Variants in SIPA1L1 observed in about 807,000 individuals in gnomAD.
The protein encoded by SIPA1L1 is signal-induced proliferation-associated 1-like protein 1.
A neutral mutation model predicts 162.7 loss-of-function variants in SIPA1L1; 26 were observed. The observed-to-expected ratio is 0.16, with a 90% confidence interval of 0.12 to 0.22. The LOEUF (loss-of-function observed/expected upper bound fraction) is 0.22. SIPA1L1 is among the 10% of genes least tolerant of loss of function. The pLI is 1.00. For synonymous variants in SIPA1L1, 829 were observed against 837.4 expected, an observed-to-expected ratio of 0.99 and a Z score of 0.17; for missense variants, 1,874 against 2,241.0, an observed-to-expected ratio of 0.84 and a Z score of 3.31.
chr14:71,611,303 T>C (rs145779297), intron 5 of SIPA1L1, among the ~76,000 whole-genome samples: 455 of 152,340 alleles, frequency 3.0e-3, no homozygotes, highest in Admixed American at 5.2e-3. Flanking sequence ...TTCTTAGTCA[T>C]TAGTCAGATT....
chr14:71,472,091 C>T (rs1489046657), intron 2 of SIPA1L1, among the ~76,000 whole-genome samples: 1 of 152,052 alleles, frequency 6.6e-6, no homozygotes. Context: ...CTTCAGGGAC[C>T]ACCTCCTCCT....
chr14:71,636,858 C>G (rs1596551581), intron 7 of SIPA1L1, among the ~76,000 whole-genome samples: 1 of 151,986 alleles, frequency 6.6e-6, no homozygotes. Context: ...TGAGACCAGC[C>G]TGGCCAACAT....
At chr14:71,451,192 A>C (rs1288952434) in intron 2 of SIPA1L1, among the ~76,000 whole-genome samples, 1 of 152,162 alleles carries the variant, frequency 6.6e-6, no homozygotes. Context: ...AAAATAAAAA[A>C]GTTGAACTCA....
intron 4 of SIPA1L1, among the ~76,000 whole-genome samples, chr14:71,547,447 C>G (rs1468891297): frequency 1.3e-5 from 2 of 151,786 alleles, no homozygotes; most frequent in African/African-American, 4.8e-5. Context: ...GTGTGCACCA[C>G]TACACCCGGC....
intron 18 of SIPA1L1, among the ~76,000 whole-genome samples, 186 bp downstream of exon 18, chr14:71,724,072 C>T (rs1721125509): frequency 6.6e-6 from 1 of 152,106 alleles, no homozygotes; most frequent in Non-Finnish European, 1.5e-5. Flanking sequence ...TGCCTCATTC[C>T]TTAAATAAGA....
At chr14:71,423,598 T>C (rs1371679649) in intron 2 of SIPA1L1, among the ~76,000 whole-genome samples, 6 of 152,174 alleles carry the variant, frequency 3.9e-5, no homozygotes. Flanking sequence ...GTCTTGGCGC[T>C]CTTGTCAAAA....
At chr14:71,493,070 C>G (rs2049420163) in intron 2 of SIPA1L1, among the ~76,000 whole-genome samples, 1 of 152,018 alleles carries the variant, frequency 6.6e-6, no homozygotes, top group South Asian at 2.1e-4. Flanking sequence ...GCCCCTTTAT[C>G]CCTCCCCCAA....
At chr14:71,736,211 C>T (rs562609932) in intron 22 of SIPA1L1, among the ~76,000 whole-genome samples, 44 of 152,296 alleles carry the variant, frequency 2.9e-4, no homozygotes, top group Non-Finnish European at 5.7e-4. Flanking sequence ...GCCTGGGCAA[C>T]ATGCTGAAAC....
chr14:71,473,156 A>G (rs999081944), intron 2 of SIPA1L1, among the ~76,000 whole-genome samples: 3 of 152,178 alleles, frequency 2.0e-5, no homozygotes, highest in Admixed American at 6.5e-5. Flanking sequence ...AAGAGAGACC[A>G]TGAATGAAAA....
chr14:71,670,129 T>C (rs965715871), intron 10 of SIPA1L1, among the ~76,000 whole-genome samples: 13 of 152,206 alleles, frequency 8.5e-5, no homozygotes, highest in Admixed American at 1.3e-4. Context: ...CTTCGATGTG[T>C]TAGAATCATT....
chr14:71,344,547 ATCTG>A (rs369305460), intron 2 of SIPA1L1, among the ~76,000 whole-genome samples: 33 of 151,850 alleles, frequency 2.2e-4, no homozygotes, highest in African/African-American at 4.6e-4. Context: ...AAATTTCTCT[ATCTG>A]TCTGTCTGTC....
At chr14:71,354,974 G>A (rs895491460) in intron 2 of SIPA1L1, among the ~76,000 whole-genome samples, 10 of 152,166 alleles carry the variant, frequency 6.6e-5, no homozygotes, top group Admixed American at 2.6e-4. Flanking sequence ...TAACATTAGT[G>A]AGACTTGTCT....
chr14:71,470,934 T>C (rs1422560076), intron 2 of SIPA1L1, among the ~76,000 whole-genome samples: 1 of 151,998 alleles, frequency 6.6e-6, no homozygotes, highest in East Asian at 1.9e-4. Flanking sequence ...GCCTCCTGGG[T>C]TCACGCCATT....
At chr14:71,552,541 G>A (rs778993245) in intron 4 of SIPA1L1, among the ~76,000 whole-genome samples, 18 of 151,680 alleles carry the variant, frequency 1.2e-4, no homozygotes, top group Non-Finnish European at 2.4e-4. Context: ...ACAGGCGCCC[G>A]CCACCACGCC....
intron 4 of SIPA1L1, among the ~76,000 whole-genome samples, chr14:71,552,515 CCGAGTAGCTGGGACTACAGG>C (rs2055943584): frequency 6.6e-6 from 1 of 151,932 alleles, no homozygotes; most frequent in Non-Finnish European, 1.5e-5. Flanking sequence ...CCTCAGCCTC[CCGAGTAGCTGGGACTACAGG>C]CGCCCGCCAC....
chr14:71,698,143 C>A (rs1435226974), intron 13 of SIPA1L1, among the ~76,000 whole-genome samples: 1 of 152,194 alleles, frequency 6.6e-6, no homozygotes, highest in Non-Finnish European at 1.5e-5. Flanking sequence ...AAATAAAATA[C>A]CATCGTTACT....
chr14:71,678,651 C>T (rs969579916), intron 12 of SIPA1L1, among the ~76,000 whole-genome samples: 1 of 152,086 alleles, frequency 6.6e-6, no homozygotes, highest in Non-Finnish European at 1.5e-5. Flanking sequence ...TGATGCTGGC[C>T]TCATAAAATG....
chr14:71,557,476 T>G (rs753520851), intron 4 of SIPA1L1, among the ~76,000 whole-genome samples: 11 of 152,216 alleles, frequency 7.2e-5, no homozygotes, highest in Admixed American at 2.0e-4. Context: ...TTACTACAGG[T>G]TGTATTTTTG....
chr14:71,336,865 G>A (rs533136131), intron 2 of SIPA1L1, among the ~76,000 whole-genome samples: 1 of 152,254 alleles, frequency 6.6e-6, no homozygotes, highest in East Asian at 1.9e-4. Context: ...CTGTGACCAA[G>A]CTTTATCATT....
Sources: gnomAD v4.1 joint callset for allele counts (sites outside exome capture counted in the v4.1 genomes callset) on GRCh38, gnomAD v4.1.1 for gene constraint, MANE v1.5 for transcripts, NCBI Gene and HGNC (gene_info 2026-07-23, HGNC 2026-07-21) for gene names.